FBN3: variants seen among roughly 807,000 people sequenced by gnomAD.
FBN3 encodes fibrillin 3, also known as fibrillin-3.
In FBN3, 234 loss-of-function variants were observed where a neutral mutation model predicts 330.1. That is an observed-to-expected ratio of 0.71 (90% CI 0.64 to 0.79). FBN3 has a LOEUF of 0.79. FBN3 is among the 30% of genes least tolerant of loss of function. The pLI is 0.00. For synonymous variants in FBN3, 1,458 were observed against 1,517.3 expected (o/e 0.96, Z 0.91); for missense variants, 3,606 against 3,886.9 (o/e 0.93, Z 1.92).
chr19:8,145,710 G>A (rs931223148), intron 5 of FBN3, 133 bp downstream of exon 5: 2 of 574,752 alleles, frequency 3.5e-6, no homozygotes, highest in East Asian at 6.2e-5. Flanking sequence ...AGAGACTGTG[G>A]CAATAAACGT....
At chr19:8,134,070 C>CA (rs111976578) in intron 13 of FBN3, among the ~76,000 whole-genome samples, 73 of 145,826 alleles carry the variant, frequency 5.0e-4, no homozygotes, top group African/African-American at 1.8e-3. Context: ...ACTAAAAATA[C>CA]AAAAAAAAAA....
intron 13 of FBN3, 25 bp downstream of exon 13, chr19:8,135,936 G>GGGGGGGGGGGGGGGCGCCCCCC: frequency 6.0e-6 from 4 of 668,776 alleles, no homozygotes; most frequent in Non-Finnish European, 9.6e-6. Flanking sequence ...GGAAGCCCCT[G>GGGGGGGGGGGGGGGCGCCCCCC]CCCACCCGCC....
At chr19:8,146,600 CCAGAGAGAGACAAA>C (rs1256307736) in intron 3 of FBN3, among the ~76,000 whole-genome samples, 8 of 150,320 alleles carry the variant, frequency 5.3e-5, no homozygotes, top group African/African-American at 2.0e-4. Context: ...GAGGGTGAGG[CCAGAGAGAGACAAA>C]CAGAGAGAGA....
chr19:8,106,606 G>C (rs980069313), intron 37 of FBN3, among the ~76,000 whole-genome samples: 3 of 151,316 alleles, frequency 2.0e-5, no homozygotes, highest in African/African-American at 7.3e-5. Context: ...TGGATGCATG[G>C]ATATGAAACA....
intron 13 of FBN3, 70 bp from the exon 14 acceptor site, chr19:8,133,176 C>CT: frequency 6.7e-7 from 1 of 1,483,474 alleles, no homozygotes; most frequent in Non-Finnish European, 9.0e-7. Flanking sequence ...CTCCTCCAGG[C>CT]TCCAGGGCTG....
chr19:8,108,501 G>C (rs1275263626), intron 36 of FBN3, among the ~76,000 whole-genome samples: 1 of 152,074 alleles, frequency 6.6e-6, no homozygotes, highest in Non-Finnish European at 1.5e-5. Flanking sequence ...TGTGAGCAGA[G>C]TTATGTGGTA....
rs2081387910 is a variant in FBN3 at position 8,066,216 on chromosome 19, G to T, written c.8133C>A (p.Gly2711=). 6.3e-7 allele frequency: 1 copy of T among 1,596,322 alleles called. No homozygotes were observed. The highest frequency in any genetic ancestry group is 1.1e-5 in the South Asian group (1 of 90,446). ...CCCGGCCCAGGTGTGAGAGGTTCAG[G>T]CCCAAGGTCAGCAGGGCCTCGGAGT... ...TLDSEALLTL[G]LNLSHLGRAE... is the part of the protein sequence containing the mutation. Residue 2711 remains glycine (G), a synonymous_variant, in exon 64 of 64, where the codon GGC becomes GGA. Transcript: ENST00000600128.
In FBN3 at chr19:8,111,042, G is replaced by A. The variant is rs760839824; in HGVS notation, c.4210+16C>T. ...CCTACCCACTCTGTCCTCTGCCCTG[G>A]CGGGCCCAACCTTACCCTGGCAGGC... On this transcript the variant is annotated intron_variant, in intron 33 of 63. Coordinates refer to ENST00000600128, the MANE Select transcript of FBN3 (RefSeq NM_032447.5). 3.1e-5 allele frequency: 50 copies of A among 1,613,240 alleles called. No individual in the cohort carries two copies. The African/African-American group carries it at 5.9e-4, about 19-fold the overall frequency.
chr19:8,148,100 C>T (rs1308149058), intron 1 of FBN3, among the ~76,000 whole-genome samples: 9 of 151,966 alleles, frequency 5.9e-5, no homozygotes, highest in African/African-American at 2.4e-5. Context: ...GATGGTAAGT[C>T]GTGGAAGGCA....
chr19:8,142,027 A>T lies in FBN3; in HGVS notation c.652T>A (p.Trp218Arg). 1 of 1,614,190 alleles carries T rather than the reference A, an allele frequency of 6.2e-7. No homozygotes were observed. Among genetic ancestry groups the T allele is most frequent in the Non-Finnish European group, 8.5e-7 (1 of 1,180,014 alleles). ...GGGCAAAGTTCACATGGAAGGCCCC[A>T]GGCACGGCCCACAGTGGCACAGCAA... ...ALCCATVGRA[W>R]GLPCELCPAQ... The change falls in exon 7 of 64, where the codon TGG (tryptophan) becomes AGG (arginine). Residue 218 changes from tryptophan to arginine, a missense_variant. By Grantham distance (101) the Trp-to-Arg change is moderately radical. Transcript: ENST00000600128.
chr19:8,070,299 T>G (rs976914460), intron 63 of FBN3, among the ~76,000 whole-genome samples: 1 of 152,214 alleles, frequency 6.6e-6, no homozygotes, highest in African/African-American at 2.4e-5. Flanking sequence ...ATATTTGTCA[T>G]GTGTTATAAA....
Position 8,147,353 on chromosome 19 carries a change from C to A in FBN3, c.128G>T (p.Gly43Val). The part of the protein sequence containing the change: ...WDGALEAAGP[G>V]RVRRRGSPGI... ...TGGGCTGCCCCGCCTCCGCACACGT[C>A]CAGGACCTGCAGCCTCCAAGGCCCC... Residue 43 changes from glycine to valine, a missense_variant, in exon 2 of 64, where the codon GGA becomes GTA. Coordinates refer to ENST00000600128, the MANE Select transcript of FBN3 (RefSeq NM_032447.5). 2 of 1,602,248 alleles carry A rather than the reference C, an allele frequency of 1.2e-6. No individual in the cohort carries two copies. The highest frequency in any genetic ancestry group is 1.7e-6 in the Non-Finnish European group (2 of 1,176,248).
At chr19:8,066,632 G>A (rs982851210) in intron 63 of FBN3, among the ~76,000 whole-genome samples, 7 of 152,176 alleles carry the variant, frequency 4.6e-5, no homozygotes, top group Non-Finnish European at 7.3e-5. Flanking sequence ...TGTAATCCCA[G>A]CACTTTGGGA....
intron 63 of FBN3, 29 bp downstream of exon 63, chr19:8,072,019 A>G: frequency 1.9e-6 from 3 of 1,593,286 alleles, no homozygotes; most frequent in Non-Finnish European, 2.6e-6. Flanking sequence ...TTCCCTGGCC[A>G]CCCCTGCCTA....
intron 30 of FBN3, among the ~76,000 whole-genome samples, chr19:8,113,918 G>GA (rs1375695233): frequency 2.0e-5 from 3 of 151,774 alleles, no homozygotes; most frequent in African/African-American, 7.3e-5. Flanking sequence ...TGAGCCTGGA[G>GA]AGGTGGAGGC....
Position 8,088,534 on chromosome 19 carries a change from C to T in FBN3, c.6377-355G>A, listed in dbSNP as rs112234773. Reference sequence around the variant, plus strand: ...CCTGGGTAACATAGCAAGACTTCATCTCTAAAAAACATATAAATGAGTAAG... The same window carrying T: ...CCTGGGTAACATAGCAAGACTTCATTTCTAAAAAACATATAAATGAGTAAG... On this transcript the variant is annotated intron_variant, in intron 51 of 63. Coordinates refer to ENST00000600128, the MANE Select transcript of FBN3 (RefSeq NM_032447.5). Among the ~76,000 whole-genome samples the T allele has an allele frequency of 3.5e-3, 532 of 152,188 alleles. 3 individuals carry two copies. Among genetic ancestry groups the T allele is most frequent in the African/African-American group, 0.012 (493 of 41,524 alleles).
rs766747307 is a variant in FBN3 at position 8,147,350 on chromosome 19, C to T, written c.131G>A (p.Arg44His). The change falls in exon 2 of 64, where the codon CGT becomes CAT. Residue 44 changes from arginine to histidine, a missense_variant. Transcript: ENST00000600128. ...GCCTGGGCTGCCCCGCCTCCGCACACGTCCAGGACCTGCAGCCTCCAAGGC... is the reference window on the plus strand; with the variant it reads ...GCCTGGGCTGCCCCGCCTCCGCACATGTCCAGGACCTGCAGCCTCCAAGGC... ...DGALEAAGPG[R>H]VRRRGSPGIL... 13 of 1,601,670 alleles carry T rather than the reference C, an allele frequency of 8.1e-6. No homozygotes were observed. Among genetic ancestry groups the T allele is most frequent in the South Asian group, 6.7e-5 (6 of 89,072 alleles).
intron 21 of FBN3, 91 bp downstream of exon 21, chr19:8,126,206 C>A (rs562751162): frequency 2.0e-6 from 3 of 1,463,874 alleles, no homozygotes; most frequent in South Asian, 1.2e-5. Context: ...GACTCCAGGG[C>A]GGGGCCGGAG....
chr19:8,075,883 G>A (rs528240866), intron 59 of FBN3, among the ~76,000 whole-genome samples: 1 of 152,320 alleles, frequency 6.6e-6, no homozygotes, highest in African/African-American at 2.4e-5. Flanking sequence ...CCTGACAATA[G>A]TGTGAGGTCA....
Sources: gnomAD v4.1 joint callset for allele counts (sites outside exome capture counted in the v4.1 genomes callset) on GRCh38, gnomAD v4.1.1 for gene constraint, MANE v1.5 for transcripts, NCBI Gene and HGNC (gene_info 2026-07-23, HGNC 2026-07-21) for gene names.